Variants in FAM13B observed in about 807,000 individuals in gnomAD.
The protein encoded by FAM13B is protein FAM13B.
Under a neutral mutation model 117.3 loss-of-function variants are expected in FAM13B, and 60 were observed. That is an observed-to-expected ratio of 0.51 (90% CI 0.42 to 0.63). The LOEUF is 0.63. Ranked by LOEUF, FAM13B falls within the 30% of genes least tolerant of loss-of-function variation. The pLI is 0.00. For missense variants in FAM13B, 972 were observed against 1,091.9 expected (o/e 0.89, Z 1.55); for synonymous variants, 332 against 356.1 (o/e 0.93, Z 0.76).
At chr5:137,952,581 A>G (rs748489137) in intron 17 of FAM13B, 47 bp downstream of exon 17, 1 of 1,269,506 alleles carries the variant, frequency 7.9e-7, no homozygotes, top group Non-Finnish European at 1.1e-6. Flanking sequence ...ATTAATATAA[A>G]AAAATTTTTA....
At chr5:138,036,453 G>A (rs1183486205), upstream of FAM13B, 7 of 456,562 alleles carry the variant, frequency 1.5e-5, no homozygotes, top group African/African-American at 1.4e-4. Context: ...CAGCCTGTGG[G>A]AGTCAGACAC....
intron 10 of FAM13B, among the ~76,000 whole-genome samples, chr5:137,968,904 G>A (rs1470997860): frequency 1.3e-5 from 2 of 152,206 alleles, no homozygotes; most frequent in African/African-American, 4.8e-5. Context: ...TTTCCGACGG[G>A]CTTAAAAAAC....
intron 17 of FAM13B, 28 bp from the exon 18 acceptor site, chr5:137,949,212 G>A (rs199947868): frequency 6.4e-7 from 1 of 1,572,432 alleles, no homozygotes. Flanking sequence ...GGACAGATCA[G>A]TAATAATTGG....
At chr5:137,941,569 T>C (rs942638960) in intron 23 of FAM13B, among the ~76,000 whole-genome samples, 2 of 152,142 alleles carry the variant, frequency 1.3e-5, no homozygotes, top group African/African-American at 4.8e-5. Context: ...ATGGTCTCAG[T>C]ATAAAATAAA....
Position 137,960,215 on chromosome 5 carries a change from C to T in FAM13B, c.1245-1G>A. ...ACTGTCAAATAACAAATATTCTTCC[C>T]TAAAAATACAAGTAAAGTTGTTAGT... On this transcript the variant is annotated splice_acceptor_variant, in intron 11 of 23. Coordinates refer to ENST00000689681, the MANE Select transcript of FAM13B (RefSeq NM_001385994.1). LOFTEE classifies it high-confidence loss of function. 1 of 1,488,404 alleles carries T rather than the reference C, an allele frequency of 6.7e-7. No homozygotes were observed. Among genetic ancestry groups the T allele is most frequent in the Middle Eastern group, 1.7e-4 (1 of 5,768 alleles). The allele number at this position is 1,488,404 out of a possible 1,614,324, so 92.2% of individuals were successfully genotyped here.
chr5:138,009,936 T>C (rs935336499), intron 6 of FAM13B, among the ~76,000 whole-genome samples: 7 of 152,096 alleles, frequency 4.6e-5, no homozygotes, highest in East Asian at 1.9e-4. Flanking sequence ...TAAAAACTTA[T>C]TCAGTTCACA....
chr5:137,975,434 CG>C (rs1305618909), intron 10 of FAM13B, among the ~76,000 whole-genome samples: 1 of 152,178 alleles, frequency 6.6e-6, no homozygotes, highest in Non-Finnish European at 1.5e-5. Flanking sequence ...TGTCACTTAA[CG>C]TACCTTCCTA....
At chr5:137,955,416 C>T (rs956607151) in intron 14 of FAM13B, among the ~76,000 whole-genome samples, 13 of 152,176 alleles carry the variant, frequency 8.5e-5, no homozygotes, top group Non-Finnish European at 1.6e-4. Flanking sequence ...AACTTAATAG[C>T]ACTAGGCCTT....
rs1027337625 is a variant in FAM13B, at chr5:137,938,171, C to T, written c.*2054G>A. On this transcript the variant is annotated 3_prime_UTR_variant, in exon 24 of 24. Transcript: ENST00000689681. ...ACAATACTGTCACAGAGCATAAGTGCTGCCATGCCACTTTTACATATTCTA... is the reference window on the plus strand; with the variant it reads ...ACAATACTGTCACAGAGCATAAGTGTTGCCATGCCACTTTTACATATTCTA... 2 of 152,546 alleles carry T rather than the reference C, an allele frequency of 1.3e-5. No homozygotes were observed. Among genetic ancestry groups the T allele is most frequent in the African/African-American group, 4.8e-5 (2 of 41,436 alleles). 9.4% of individuals were successfully genotyped at this position (152,546 alleles called of 1,614,324 possible).
chr5:138,004,858 A>G (rs1417963085), intron 7 of FAM13B, among the ~76,000 whole-genome samples: 1 of 152,228 alleles, frequency 6.6e-6, no homozygotes, highest in Non-Finnish European at 1.5e-5. Flanking sequence ...AGACTGGATG[A>G]CAGAGCGAGA....
At chr5:137,963,177 C>A (rs1172187823) in intron 10 of FAM13B, among the ~76,000 whole-genome samples, 1 of 152,208 alleles carries the variant, frequency 6.6e-6, no homozygotes, top group Non-Finnish European at 1.5e-5. Context: ...CCACAAGAAT[C>A]TGCAAAAAAA....
intron 7 of FAM13B, among the ~76,000 whole-genome samples, chr5:137,997,726 A>G (rs769974335): frequency 6.6e-6 from 1 of 152,148 alleles, no homozygotes; most frequent in Non-Finnish European, 1.5e-5. Context: ...AGATACATGA[A>G]CAGACCAATC....
At chr5:138,005,089 T>C (rs1782213062) in intron 7 of FAM13B, among the ~76,000 whole-genome samples, 1 of 151,980 alleles carries the variant, frequency 6.6e-6, no homozygotes, top group South Asian at 2.1e-4. Context: ...ATACAAAAGT[T>C]AGCTGGGCAT....
At chr5:138,030,641 T>G (rs950747221) in intron 1 of FAM13B, among the ~76,000 whole-genome samples, 15 of 151,034 alleles carry the variant, frequency 9.9e-5, no homozygotes, top group Non-Finnish European at 2.9e-5. Flanking sequence ...TTTAAAAAAA[T>G]ACATTTATTA....
At chr5:137,974,628 G>T (rs917846068) in intron 10 of FAM13B, among the ~76,000 whole-genome samples, 2 of 96,564 alleles carry the variant, frequency 2.1e-5, no homozygotes, top group Admixed American at 2.0e-4. Context: ...ATAAAAAAAA[G>T]AAAAAAAAAG....
chr5:138,022,831 CTTT>C (rs751621682), intron 1 of FAM13B, among the ~76,000 whole-genome samples: 1 of 141,060 alleles, frequency 7.1e-6, no homozygotes, highest in Non-Finnish European at 1.6e-5. Context: ...AAGCTATTTT[CTTT>C]TTTTTTTTTT....
rs1437008165 is a variant in FAM13B, at chr5:138,018,321, G to A, written c.351C>T (p.His117=). 4 of 1,613,836 alleles carry A rather than the reference G, an allele frequency of 2.5e-6. No homozygotes were observed. The highest frequency in any genetic ancestry group is 2.7e-5 in the African/African-American group (2 of 74,930). Residue 117 remains histidine, a synonymous_variant, in exon 4 of 24, where the codon CAC becomes CAT. Transcript: ENST00000689681. ...TGTTACCTTGAGAAAGCTGCATCAA[G>A]TGAATATGTAAACTGCCAGGGATAA... ...EPVIPGSLHI[H]LMQLSQDYNN...
chr5:137,980,577 G>C (rs1775423367), intron 10 of FAM13B, among the ~76,000 whole-genome samples: 1 of 151,864 alleles, frequency 6.6e-6, no homozygotes, highest in African/African-American at 2.4e-5. Context: ...CAAGTAGCTG[G>C]GACTACAGGC....
chr5:137,972,482 G>C (rs1772510444), intron 10 of FAM13B, among the ~76,000 whole-genome samples: 1 of 150,836 alleles, frequency 6.6e-6, no homozygotes, highest in Admixed American at 6.6e-5. Flanking sequence ...AGCTATCTAT[G>C]ACAAACCCAC....
Sources: gnomAD v4.1 joint callset for allele counts (sites outside exome capture counted in the v4.1 genomes callset) on GRCh38, gnomAD v4.1.1 for gene constraint, MANE v1.5 for transcripts, NCBI Gene and HGNC (gene_info 2026-07-23, HGNC 2026-07-21) for gene names.